UBL3: variants seen among roughly 807,000 people sequenced by gnomAD.
UBL3 encodes ubiquitin-like protein 3.
A neutral mutation model predicts 18.4 loss-of-function variants in UBL3; 6 were observed. That is an observed-to-expected ratio of 0.33 (90% CI 0.18 to 0.64). The LOEUF is 0.64. Among genes scored for constraint, UBL3 ranks in the 30% least tolerant of loss-of-function variants. The pLI, the probability that UBL3 is intolerant of heterozygous loss-of-function variation, is 0.76. For synonymous variants in UBL3, 49 were observed against 46.6 expected (o/e 1.05, Z -0.21); for missense variants, 109 against 142.9 (o/e 0.76, Z 1.21).
chr13:29,817,479 G>A (rs1878315085), intron 1 of UBL3, among the ~76,000 whole-genome samples: 1 of 152,132 alleles, frequency 6.6e-6, no homozygotes, highest in African/African-American at 2.4e-5. Flanking sequence ...TGATGATAAA[G>A]CCGGCTGAGG....
intron 1 of UBL3, among the ~76,000 whole-genome samples, chr13:29,824,619 TGA>T (rs969156424): frequency 6.6e-6 from 1 of 152,228 alleles, no homozygotes; most frequent in African/African-American, 2.4e-5. Flanking sequence ...TTTTATCAGA[TGA>T]GTAGATTGCA....
intron 1 of UBL3, among the ~76,000 whole-genome samples, chr13:29,837,056 C>T (rs1279595453): frequency 1.5e-4 from 23 of 152,182 alleles, no homozygotes; most frequent in Admixed American, 1.5e-3. Context: ...AGGCTCATGT[C>T]TTATCAGTCA....
intron 1 of UBL3, among the ~76,000 whole-genome samples, chr13:29,802,282 C>T (rs1330298794): frequency 1.3e-5 from 2 of 152,226 alleles, no homozygotes; most frequent in East Asian, 3.8e-4. Flanking sequence ...AGGCACAAAG[C>T]TTTGGCCTTC....
At chr13:29,832,486 C>G (rs966379971) in intron 1 of UBL3, among the ~76,000 whole-genome samples, 1 of 152,152 alleles carries the variant, frequency 6.6e-6, no homozygotes, top group African/African-American at 2.4e-5. Context: ...GACCCCACCA[C>G]CGCGCCCGGC....
rs113715490 is a variant in UBL3, at chr13:29,767,182, C to T, written c.*73G>A. ...AGACTGTTCTGAACGGTTTCTGAAGCAATGTCGGGTCTTTTCTGTCCCAGC... is the reference window on the plus strand; with the variant it reads ...AGACTGTTCTGAACGGTTTCTGAAGTAATGTCGGGTCTTTTCTGTCCCAGC... On this transcript the variant is annotated 3_prime_UTR_variant, in exon 5 of 5. Transcript: ENST00000380680. 55 of 1,555,290 alleles carry T rather than the reference C, an allele frequency of 3.5e-5. 1 individual carries two copies. The African/African-American group carries it at 5.3e-4, about 15-fold the overall frequency.
chr13:29,831,913 G>C (rs1032853033), intron 1 of UBL3, among the ~76,000 whole-genome samples: 9 of 152,040 alleles, frequency 5.9e-5, no homozygotes, highest in Non-Finnish European at 1.2e-4. Flanking sequence ...GTAGCCACTA[G>C]ATACACATAG....
At chr13:29,837,676 T>C (rs953442028) in intron 1 of UBL3, among the ~76,000 whole-genome samples, 1 of 152,088 alleles carries the variant, frequency 6.6e-6, no homozygotes, top group Non-Finnish European at 1.5e-5. Context: ...ATGCTTGTAA[T>C]CCCAACATTT....
At chr13:29,837,363 A>C (rs1878982859) in intron 1 of UBL3, among the ~76,000 whole-genome samples, 1 of 152,232 alleles carries the variant, frequency 6.6e-6, no homozygotes, top group Admixed American at 6.5e-5. Flanking sequence ...TTTAGGATAA[A>C]AAATACAAAA....
At chr13:29,767,728 A>G in intron 3 of UBL3, 33 bp from the exon 4 acceptor site, 1 of 1,574,004 alleles carries the variant, frequency 6.4e-7, no homozygotes, top group Non-Finnish European at 8.7e-7. Flanking sequence ...TTAGTTACAC[A>G]TATATCGACC....
rs74044744 is a variant in UBL3, at chr13:29,812,277, T to G, written c.28-35014A>C. ...GTTTTCAGGCTGGGAATGTTGAATATCTGCACTTTGGGCTCTTATTGCTGA... is the reference window on the plus strand; with the variant it reads ...GTTTTCAGGCTGGGAATGTTGAATAGCTGCACTTTGGGCTCTTATTGCTGA... On this transcript the variant is annotated intron_variant, in intron 1 of 4. Transcript: ENST00000380680. Among the ~76,000 whole-genome samples the G allele has an allele frequency of 2.3e-3, 347 of 152,154 alleles. 2 individuals are homozygous for G. The highest frequency in any genetic ancestry group is 8.2e-3 in the African/African-American group (342 of 41,528).
At position 29,766,116 on chromosome 13, in the gene UBL3, A is replaced by C. The variant is rs1876671779; in HGVS notation, c.*1139T>G. 1 of 152,618 alleles carries C rather than the reference A, an allele frequency of 6.6e-6. No individual in the cohort carries two copies. Among genetic ancestry groups the C allele is most frequent in the Non-Finnish European group, 1.5e-5 (1 of 68,016 alleles). 9.5% of individuals were successfully genotyped at this position (152,618 alleles called of 1,614,324 possible). The stretch of plus-strand genomic sequence containing the variant: ...TCATATTTTTACAGGTTTAGATGAA[A>C]GTAGCTCATGCTTTAGTGCTGTGCA... On this transcript the variant is annotated 3_prime_UTR_variant, in exon 5 of 5. Transcript: ENST00000380680.
chr13:29,795,652 G>A (rs908569844), intron 1 of UBL3, among the ~76,000 whole-genome samples: 4 of 150,658 alleles, frequency 2.7e-5, no homozygotes, highest in Non-Finnish European at 5.9e-5. Flanking sequence ...AGAGGTGGCA[G>A]CTTGTGCCTG....
intron 3 of UBL3, among the ~76,000 whole-genome samples, chr13:29,770,677 T>C (rs1464088466): frequency 1.3e-5 from 2 of 152,096 alleles, no homozygotes; most frequent in East Asian, 1.9e-4. Context: ...TTAATTCACA[T>C]AAGATCTTGT....
At chr13:29,840,091 T>TG (rs1315691599) in intron 1 of UBL3, among the ~76,000 whole-genome samples, 1 of 300 alleles carries the variant, frequency 3.3e-3, no homozygotes, top group Non-Finnish European at 5.8e-3. Flanking sequence ...AAAAACAACA[T>TG]TTATCTGAAA....
intron 1 of UBL3, among the ~76,000 whole-genome samples, chr13:29,837,520 G>A (rs576387767): frequency 1.3e-4 from 20 of 152,242 alleles, no homozygotes; most frequent in African/African-American, 3.9e-4. Context: ...TAACATACAC[G>A]TAATTGTAGT....
At chr13:29,801,874 A>C (rs1488612294) in intron 1 of UBL3, among the ~76,000 whole-genome samples, 1 of 152,178 alleles carries the variant, frequency 6.6e-6, no homozygotes, top group Non-Finnish European at 1.5e-5. Context: ...TCTGGGGTGG[A>C]GCCCCAAGAG....
chr13:29,790,181 TA>T (rs1877445176), intron 1 of UBL3, among the ~76,000 whole-genome samples: 1 of 152,174 alleles, frequency 6.6e-6, no homozygotes, highest in Non-Finnish European at 1.5e-5. Flanking sequence ...TGAAAATCAT[TA>T]AGTAAAAAGA....
chr13:29,798,372 T>C (rs1292600834), intron 1 of UBL3, among the ~76,000 whole-genome samples: 1 of 152,072 alleles, frequency 6.6e-6, no homozygotes, highest in Non-Finnish European at 1.5e-5. Flanking sequence ...AATCAGCTGA[T>C]TGTCCTCCCT....
At chr13:29,833,085 G>T (rs1211788889) in intron 1 of UBL3, among the ~76,000 whole-genome samples, 3 of 152,228 alleles carry the variant, frequency 2.0e-5, no homozygotes, top group African/African-American at 7.2e-5. Context: ...AGGCTGGAAT[G>T]CGGCCCAACT....
Sources: allele counts gnomAD v4.1 joint callset (sites outside exome capture counted in the v4.1 genomes callset), GRCh38; gene constraint gnomAD v4.1.1; transcripts MANE v1.5; gene names NCBI Gene and HGNC (gene_info 2026-07-23, HGNC 2026-07-21).